The following SSH2 variants were observed in gnomAD, a reference collection of about 807,000 sequenced individuals.
SSH2 encodes slingshot protein phosphatase 2.
SSH2 carries 37 observed loss-of-function variants against 135.2 expected under a neutral mutation model. That is an observed-to-expected ratio of 0.27 (90% CI 0.21 to 0.36). The LOEUF is 0.36. SSH2 is among the 10% of genes least tolerant of loss of function. The pLI, the probability that SSH2 is intolerant of heterozygous loss-of-function variation, is 1.00. For synonymous variants in SSH2, 628 were observed against 646.2 expected (o/e 0.97, Z 0.43); for missense variants, 1,408 against 1,765.3 (o/e 0.80, Z 3.63).
chr17:29,752,471 G>A (rs2040975552), intron 3 of SSH2, among the ~76,000 whole-genome samples: 1 of 151,034 alleles, frequency 6.6e-6, no homozygotes, highest in East Asian at 1.9e-4. Flanking sequence ...TATCCAATTG[G>A]AAAAAAAAGG....
chr17:29,701,711 C>G (rs1048665009), intron 4 of SSH2, among the ~76,000 whole-genome samples: 1 of 151,848 alleles, frequency 6.6e-6, no homozygotes, highest in African/African-American at 2.4e-5. Flanking sequence ...GCTGAGATTA[C>G]AGCAGTGTAC....
intron 11 of SSH2, 110 bp downstream of exon 11, chr17:29,666,757 T>C: frequency 1.9e-6 from 2 of 1,065,420 alleles, no homozygotes; most frequent in South Asian, 3.3e-5. Context: ...CTTTTGTCTT[T>C]AAAGTAAGTT....
intron 3 of SSH2, among the ~76,000 whole-genome samples, chr17:29,761,757 A>G (rs1438921514): frequency 6.6e-6 from 1 of 152,186 alleles, no homozygotes; most frequent in African/African-American, 2.4e-5. Context: ...TAAAAAATGT[A>G]AAGGCCATAA....
chr17:29,892,407 T>C (rs1350177404), intron 1 of SSH2, among the ~76,000 whole-genome samples: 3 of 151,958 alleles, frequency 2.0e-5, no homozygotes, highest in Non-Finnish European at 2.9e-5. Context: ...TCCTGAAAAG[T>C]CTGGTTTTCT....
chr17:29,635,456 G>A (rs995762447), intron 15 of SSH2, among the ~76,000 whole-genome samples: 3 of 151,938 alleles, frequency 2.0e-5, no homozygotes, highest in Non-Finnish European at 4.4e-5. Flanking sequence ...CCAGGCTGGA[G>A]TGCAGTGGCA....
At chr17:29,908,493 A>G (rs2066697608) in intron 1 of SSH2, among the ~76,000 whole-genome samples, 1 of 151,948 alleles carries the variant, frequency 6.6e-6, no homozygotes, top group Non-Finnish European at 1.5e-5. Flanking sequence ...GGCTGGGCGC[A>G]GTGGCTCATG....
chr17:29,913,347 A>AAAAAAAAAAAAAATTATATATATATAT, intron 1 of SSH2, among the ~76,000 whole-genome samples: 3 of 28,786 alleles, frequency 1.0e-4, no homozygotes, highest in Non-Finnish European at 1.8e-4. Context: ...AAAAAAAAAA[A>AAAAAAAAAAAAAATTATATATATATAT]ATATATATAT....
At position 29,627,395 on chromosome 17, in the gene SSH2, G is replaced by A. The variant is rs2035530338; in HGVS notation, c.*3446C>T. On this transcript the variant is annotated 3_prime_UTR_variant, in exon 16 of 16. Coordinates refer to ENST00000540801, the MANE Select transcript of SSH2 (RefSeq NM_001282129.2). ...TTCTGTGACCTGCTACATCTCAGAA[G>A]CTTCTCATAGGAAGCTTTGAGTTTA... 6.6e-6 allele frequency: 1 copy of A among 152,566 alleles called. No homozygotes were observed. The highest frequency in any genetic ancestry group is 1.5e-5 in the Non-Finnish European group (1 of 68,042). 9.5% of individuals were successfully genotyped at this position (152,566 alleles called of 1,614,324 possible).
rs1567821813 is a variant in SSH2, at chr17:29,630,873, G to GT, written c.4320dup (p.Arg1441ThrfsTer8). The GT allele has an allele frequency of 6.4e-7, 1 of 1,569,042 alleles. No individual in the cohort carries two copies. Among genetic ancestry groups the GT allele is most frequent in the Non-Finnish European group, 8.7e-7 (1 of 1,152,940 alleles). On this transcript the variant is annotated frameshift_variant, in exon 16 of 16. Coordinates refer to ENST00000540801, the MANE Select transcript of SSH2 (RefSeq NM_001282129.2). LOFTEE classifies it high-confidence loss of function. Reference sequence around the variant, plus strand: ...GTATTATAGAAGGGGTTGGTTGTCCGTTTTTTGTCATTTGCCTTTTTCAGT... The same window carrying GT: ...GTATTATAGAAGGGGTTGGTTGTCCGTTTTTTTGTCATTTGCCTTTTTCAGT...
At chr17:29,680,624 G>A (rs899030221) in intron 6 of SSH2, among the ~76,000 whole-genome samples, 1 of 134,824 alleles carries the variant, frequency 7.4e-6, no homozygotes, top group Non-Finnish European at 1.5e-5. Flanking sequence ...GACTGAAACA[G>A]CTTATCCACA....
chr17:29,861,984 T>C (rs986451906), intron 1 of SSH2, among the ~76,000 whole-genome samples: 3 of 152,242 alleles, frequency 2.0e-5, no homozygotes, highest in African/African-American at 7.2e-5. Flanking sequence ...TTATATACTT[T>C]GCACATAAAG....
intron 3 of SSH2, among the ~76,000 whole-genome samples, chr17:29,721,715 T>C (rs539425814): frequency 3.0e-4 from 46 of 152,272 alleles, no homozygotes; most frequent in African/African-American, 1.1e-3. Flanking sequence ...ACATGGTCCA[T>C]TTTGTTCTTT....
intron 3 of SSH2, among the ~76,000 whole-genome samples, chr17:29,717,076 T>G (rs1016123233): frequency 2.6e-5 from 4 of 152,164 alleles, no homozygotes; most frequent in Non-Finnish European, 4.4e-5. Context: ...AACCCTACCC[T>G]ATCCACCGCC....
chr17:29,917,019 TAAAA>T (rs777648253), intron 1 of SSH2, among the ~76,000 whole-genome samples: 4 of 129,582 alleles, frequency 3.1e-5, no homozygotes, highest in Admixed American at 8.0e-5. Flanking sequence ...TCTGTAGCAG[TAAAA>T]AAAAAAAAAA....
At chr17:29,742,080 G>A (rs1489741056) in intron 3 of SSH2, among the ~76,000 whole-genome samples, 3 of 151,194 alleles carry the variant, frequency 2.0e-5, no homozygotes, top group Admixed American at 6.6e-5. Context: ...GATTACAAGC[G>A]TGTGCCACCA....
chr17:29,839,457 T>C (rs1007106203), intron 2 of SSH2, among the ~76,000 whole-genome samples: 2 of 152,348 alleles, frequency 1.3e-5, no homozygotes, highest in Middle Eastern at 6.8e-3. Context: ...AACTTGATTA[T>C]TAAGCTAACT....
At chr17:29,891,435 A>T (rs1240457906) in intron 1 of SSH2, among the ~76,000 whole-genome samples, 2 of 151,708 alleles carry the variant, frequency 1.3e-5, no homozygotes, top group Non-Finnish European at 2.9e-5. Context: ...TTCTAAATAA[A>T]TTTTTTTTTC....
At chr17:29,739,747 A>T (rs1467692701) in intron 3 of SSH2, among the ~76,000 whole-genome samples, 2 of 152,214 alleles carry the variant, frequency 1.3e-5, no homozygotes, top group African/African-American at 2.4e-5. Flanking sequence ...ACTTCCCATT[A>T]AAAAACCCAA....
At chr17:29,734,715 A>G (rs901279361) in intron 3 of SSH2, among the ~76,000 whole-genome samples, 1 of 152,218 alleles carries the variant, frequency 6.6e-6, no homozygotes, top group Non-Finnish European at 1.5e-5. Context: ...TTATTACCAC[A>G]TAGGTTGTGC....
Sources: allele counts gnomAD v4.1 joint callset (sites outside exome capture counted in the v4.1 genomes callset), GRCh38; gene constraint gnomAD v4.1.1; transcripts MANE v1.5; gene names NCBI Gene and HGNC (gene_info 2026-07-23, HGNC 2026-07-21).